SHROOM3: variants seen among roughly 807,000 people sequenced by gnomAD.
SHROOM3 encodes protein Shroom3.
A neutral mutation model predicts 138.6 loss-of-function variants in SHROOM3; 47 were observed. The observed-to-expected ratio is 0.34, with a 90% CI of 0.27 to 0.43. The LOEUF (loss-of-function observed/expected upper bound fraction) is 0.43, where lower values mean the gene tolerates loss of function less well. Among genes scored for constraint, SHROOM3 ranks in the 20% least tolerant of loss-of-function variants. The pLI is 1.00. For missense variants in SHROOM3, 2,491 were observed against 2,596.5 expected, an observed-to-expected ratio of 0.96 and a Z score of 0.88; for synonymous variants, 1,062 against 1,063.3, an observed-to-expected ratio of 1.00 and a Z score of 0.02.
chr4:76,466,899 T>C (rs1378556563), intron 1 of SHROOM3, among the ~76,000 whole-genome samples: 1 of 152,168 alleles, frequency 6.6e-6, no homozygotes, highest in Non-Finnish European at 1.5e-5. Context: ...TATGAGAAAG[T>C]AAAATACTAA....
chr4:76,706,872 A>G (rs1012864025), intron 2 of SHROOM3, among the ~76,000 whole-genome samples: 8 of 152,210 alleles, frequency 5.3e-5, no homozygotes, highest in Admixed American at 3.3e-4. Context: ...CTAGCACACA[A>G]GGGGCCACCT....
intron 1 of SHROOM3, among the ~76,000 whole-genome samples, chr4:76,547,702 G>A (rs1337731161): frequency 1.3e-5 from 2 of 152,094 alleles, no homozygotes; most frequent in Admixed American, 6.6e-5. Context: ...GGCTGAGGTG[G>A]GTGGATCACT....
At chr4:76,713,663 T>C (rs975774845) in intron 3 of SHROOM3, among the ~76,000 whole-genome samples, 1 of 152,248 alleles carries the variant, frequency 6.6e-6, no homozygotes, top group Admixed American at 6.5e-5. Context: ...TATTATGTAC[T>C]GTACATGATT....
chr4:76,645,360 C>G (rs906513150), intron 2 of SHROOM3: 2 of 152,208 alleles, frequency 1.3e-5, no homozygotes, highest in Admixed American at 6.5e-5. Context: ...GAGGATGCCT[C>G]CTAGGACTCG....
Position 76,756,570 on chromosome 4 carries a change from G to A in SHROOM3, c.4831G>A (p.Glu1611Lys), listed in dbSNP as rs946765475. The change falls in exon 8 of 11, where the codon GAG (glutamate) becomes AAG (lysine). Residue 1611 changes from glutamate to lysine, a missense_variant. Around this residue, in one of 4 missense-constraint regions of SHROOM3, gnomAD observed 470 missense variants for 595.0 expected, o/e 0.79. Coordinates refer to ENST00000296043, the MANE Select transcript of SHROOM3 (RefSeq NM_020859.4). ...LQTSIKGSEAESTPPSFMSVH... is the reference protein window; with the variant it reads ...LQTSIKGSEAKSTPPSFMSVH... ...AACTTCTATCAAGGGTTCAGAGGCT[G>A]AGTCCACACCACCCTCCTTCATGAG... The A allele has an allele frequency of 2.5e-6, 4 of 1,613,602 alleles. No homozygotes were observed. Among genetic ancestry groups the A allele is most frequent in the East Asian group, 2.2e-5 (1 of 44,806 alleles).
intron 2 of SHROOM3, among the ~76,000 whole-genome samples, chr4:76,557,320 G>A (rs1733506518): frequency 6.6e-6 from 1 of 151,002 alleles, no homozygotes; most frequent in South Asian, 2.1e-4. Context: ...CAGCAATGTA[G>A]ATGAACCTGG....
intron 2 of SHROOM3, among the ~76,000 whole-genome samples, chr4:76,680,890 C>T (rs1719173125): frequency 6.6e-6 from 1 of 152,190 alleles, no homozygotes; most frequent in Admixed American, 6.5e-5. Context: ...ACCTTGGTGG[C>T]AAAGTCATTA....
In SHROOM3 at chr4:76,740,337, T is replaced by C. The variant is rs766329062; in HGVS notation, c.2164T>C (p.Tyr722His). ...GAGCCATCTGGACCGGCAGGTTTCC[T>C]ACCCGCGGCCCGAGGGGAGGACCGG... ...LGSHLDRQVSYPRPEGRTGAS... is the reference protein window; with the variant it reads ...LGSHLDRQVSHPRPEGRTGAS... Residue 722 changes from tyrosine (Y) to histidine (H), a missense_variant, in exon 5 of 11, where the codon TAC becomes CAC. By Grantham distance (83) the Tyr-to-His change is moderately conservative. Around this residue, in one of 4 missense-constraint regions of SHROOM3, gnomAD observed 1,733 missense variants for 1,661.6 expected, o/e 1.04. Transcript: ENST00000296043. The surrounding 1 kb of genome is among the most constrained non-coding windows in gnomAD (Gnocchi z 4.0). 1.2e-6 allele frequency: 2 copies of C among 1,612,954 alleles called. No individual in the cohort carries two copies. Among genetic ancestry groups the C allele is most frequent in the Admixed American group, 3.3e-5 (2 of 60,004 alleles).
chr4:76,595,873 T>C (rs1050076341), intron 2 of SHROOM3, among the ~76,000 whole-genome samples: 2 of 151,786 alleles, frequency 1.3e-5, no homozygotes, highest in Non-Finnish European at 2.9e-5. Flanking sequence ...CAAATCAGAG[T>C]GTTTCTTTGT....
At chr4:76,666,337 C>T (rs757318493) in intron 2 of SHROOM3, among the ~76,000 whole-genome samples, 7 of 152,186 alleles carry the variant, frequency 4.6e-5, no homozygotes, top group Admixed American at 6.5e-5. Flanking sequence ...GGTGTAATCA[C>T]GGCTCACTGC....
At chr4:76,722,964 ATTC>A (rs1435234366) in intron 3 of SHROOM3, among the ~76,000 whole-genome samples, 1 of 152,054 alleles carries the variant, frequency 6.6e-6, no homozygotes, top group African/African-American at 2.4e-5. Context: ...TATATTTTGT[ATTC>A]TTATACACTT....
chr4:76,736,332 A>C (rs1316044779), intron 4 of SHROOM3, among the ~76,000 whole-genome samples: 1 of 152,082 alleles, frequency 6.6e-6, no homozygotes, highest in African/African-American at 2.4e-5. Flanking sequence ...TTCTCCCTTG[A>C]ATTTATACCT....
intron 2 of SHROOM3, among the ~76,000 whole-genome samples, chr4:76,582,446 T>A (rs1734070680): frequency 6.6e-6 from 1 of 151,996 alleles, no homozygotes; most frequent in Admixed American, 6.6e-5. Context: ...TAGACCTTCA[T>A]CTCTAATCCC....
chr4:76,566,700 G>A (rs188439163), intron 2 of SHROOM3, among the ~76,000 whole-genome samples: 154 of 152,356 alleles, frequency 1.0e-3, no homozygotes, highest in African/African-American at 3.6e-3. Flanking sequence ...ACTGAGAGCA[G>A]TAGTAGGCTC....
chr4:76,698,718 G>C (rs1719816392), intron 2 of SHROOM3, among the ~76,000 whole-genome samples: 2 of 152,142 alleles, frequency 1.3e-5, no homozygotes, highest in Admixed American at 6.5e-5. Context: ...AGCCATCCCT[G>C]CCTAGTGCCT....
At chr4:76,731,754 C>G (rs1334016106) in intron 4 of SHROOM3, among the ~76,000 whole-genome samples, 4 of 150,266 alleles carry the variant, frequency 2.7e-5, no homozygotes, top group African/African-American at 9.8e-5. Context: ...GCACTCCAAC[C>G]TGGGTGACAG....
intron 1 of SHROOM3, among the ~76,000 whole-genome samples, chr4:76,515,391 A>G (rs181481814): frequency 6.6e-6 from 1 of 152,058 alleles, no homozygotes; most frequent in East Asian, 1.9e-4. Context: ...GTCTGAAAAA[A>G]AAAAGGAAGG....
chr4:76,557,617 C>T (rs1235876883), intron 2 of SHROOM3, among the ~76,000 whole-genome samples: 2 of 151,794 alleles, frequency 1.3e-5, no homozygotes, highest in Admixed American at 1.3e-4. Context: ...TAAGTGTCCT[C>T]ACTATACACA....
intron 2 of SHROOM3, among the ~76,000 whole-genome samples, chr4:76,595,425 G>C (rs1734360029): frequency 6.6e-6 from 1 of 152,136 alleles, no homozygotes; most frequent in Non-Finnish European, 1.5e-5. Flanking sequence ...GCCACCCTTA[G>C]CATGATGATT....
Sources: allele counts gnomAD v4.1 joint callset (sites outside exome capture counted in the v4.1 genomes callset), GRCh38; gene constraint gnomAD v4.1.1; regional missense constraint gnomAD v4.1.1; non-coding constraint Gnocchi (gnomAD v3.1); transcripts MANE v1.5; gene names NCBI Gene and HGNC (gene_info 2026-07-23, HGNC 2026-07-21).